The following MAP3K13 variants were observed in gnomAD, a reference collection of about 807,000 sequenced individuals.
The protein encoded by MAP3K13 is leucine zipper-bearing kinase.
MAP3K13 carries 52 observed loss-of-function variants against 104.0 expected under a neutral mutation model. The observed-to-expected ratio is 0.50, with a 90% CI of 0.40 to 0.63. The LOEUF (loss-of-function observed/expected upper bound fraction) is 0.63, where lower values mean the gene tolerates loss of function less well. MAP3K13 is among the 20% of genes least tolerant of loss of function. MAP3K13 has a pLI of 0.00. For missense variants in MAP3K13, 914 were observed against 1,218.5 expected, an observed-to-expected ratio of 0.75 and a Z score of 3.72; for synonymous variants, 394 against 442.2, an observed-to-expected ratio of 0.89 and a Z score of 1.37.
At chr3:185,421,688 G>A (rs1160912520) in intron 1 of MAP3K13, among the ~76,000 whole-genome samples, 1 of 152,090 alleles carries the variant, frequency 6.6e-6, no homozygotes, top group Non-Finnish European at 1.5e-5. Flanking sequence ...TCCCATGAGG[G>A]TACCTGAGCC....
intron 2 of MAP3K13, among the ~76,000 whole-genome samples, chr3:185,336,941 C>T (rs1722528098): frequency 6.6e-6 from 1 of 152,042 alleles, no homozygotes. Flanking sequence ...AGCTCCTCAA[C>T]CTGGAAAATG....
chr3:185,371,091 T>C (rs961566489), intron 1 of MAP3K13, among the ~76,000 whole-genome samples: 4 of 152,232 alleles, frequency 2.6e-5, no homozygotes, highest in Non-Finnish European at 5.9e-5. Flanking sequence ...AAAATTGTTC[T>C]TTCATAATTT....
chr3:185,458,802 G>A (rs1234483861), intron 7 of MAP3K13, among the ~76,000 whole-genome samples: 2 of 152,196 alleles, frequency 1.3e-5, no homozygotes, highest in East Asian at 3.8e-4. Context: ...CTGAGAAAAC[G>A]CGGCATTTGT....
At chr3:185,458,446 C>T (rs180761809) in intron 7 of MAP3K13, among the ~76,000 whole-genome samples, 5 of 151,710 alleles carry the variant, frequency 3.3e-5, no homozygotes, top group Admixed American at 6.6e-5. Context: ...AACAAAGGTG[C>T]CATTATTCAC....
At chr3:185,421,427 A>T (rs930110397) in intron 1 of MAP3K13, among the ~76,000 whole-genome samples, 11 of 151,836 alleles carry the variant, frequency 7.2e-5, no homozygotes, top group African/African-American at 2.2e-4. Context: ...CGAACTCCTG[A>T]CCTCAGGTGA....
chr3:185,329,862 AACT>A (rs1259360423), intron 2 of MAP3K13, among the ~76,000 whole-genome samples: 2 of 150,488 alleles, frequency 1.3e-5, no homozygotes, highest in Admixed American at 1.3e-4. Flanking sequence ...TATGACTTTT[AACT>A]ATATAAAAGG....
intron 1 of MAP3K13, chr3:185,417,928 A>C: frequency 6.2e-7 from 1 of 1,605,082 alleles, no homozygotes; most frequent in South Asian, 1.1e-5. Context: ...TGTATTAATC[A>C]ACTTGTGCAT....
intron 1 of MAP3K13, among the ~76,000 whole-genome samples, chr3:185,421,121 T>G (rs763234885): frequency 2.0e-5 from 3 of 152,196 alleles, no homozygotes; most frequent in Non-Finnish European, 4.4e-5. Context: ...CCTACAGACC[T>G]TCCCGGAGTA....
intron 1 of MAP3K13, among the ~76,000 whole-genome samples, chr3:185,283,808 G>A (rs914644589): frequency 2.6e-5 from 4 of 151,848 alleles, no homozygotes; most frequent in South Asian, 2.1e-4. Context: ...GAGTTGGACC[G>A]TTGTAAATAA....
chr3:185,386,582 T>C (rs1177610993), intron 1 of MAP3K13, among the ~76,000 whole-genome samples: 1 of 152,254 alleles, frequency 6.6e-6, no homozygotes, highest in East Asian at 1.9e-4. Flanking sequence ...ATCACTCTAC[T>C]CTAAAAACAC....
At chr3:185,386,701 C>T (rs1291843450) in intron 1 of MAP3K13, among the ~76,000 whole-genome samples, 8 of 152,098 alleles carry the variant, frequency 5.3e-5, no homozygotes, top group Non-Finnish European at 1.2e-4. Context: ...ACATATACAC[C>T]GTGGAACACT....
chr3:185,449,475 TG>T (rs1329182645), intron 5 of MAP3K13, among the ~76,000 whole-genome samples: 4 of 152,148 alleles, frequency 2.6e-5, no homozygotes, highest in Non-Finnish European at 5.9e-5. Flanking sequence ...TTTAAATCTT[TG>T]ATTCATGTGA....
At chr3:185,293,815 T>C (rs564653073) in intron 2 of MAP3K13, among the ~76,000 whole-genome samples, 2 of 152,338 alleles carry the variant, frequency 1.3e-5, no homozygotes, top group African/African-American at 4.8e-5. Flanking sequence ...TTTCACTTTA[T>C]GCTACTACTC....
At chr3:185,461,874 G>T (rs988914066) in intron 7 of MAP3K13, among the ~76,000 whole-genome samples, 1 of 128,020 alleles carries the variant, frequency 7.8e-6, no homozygotes, top group Non-Finnish European at 1.7e-5. Context: ...AGCAATTAGG[G>T]ATTGCTATTA....
chr3:185,418,651 T>C lies in MAP3K13; in HGVS notation c.-85-9846T>C. On this transcript the variant is annotated intron_variant, in intron 1 of 13. Coordinates refer to ENST00000265026, the MANE Select transcript of MAP3K13 (RefSeq NM_004721.5). The surrounding 1 kb of genome is among the most constrained non-coding windows in gnomAD (Gnocchi z 4.5). ...GGGCTGTCTGTTGTTTTTGCGCAAG[T>C]TGGTGTGAACAAAGTTCACAATATC... The C allele has an allele frequency of 1.9e-6, 3 of 1,611,756 alleles. No homozygotes were observed. Among genetic ancestry groups the C allele is most frequent in the South Asian group, 2.2e-5 (2 of 90,982 alleles).
chr3:185,397,689 G>C (rs1373819724), intron 1 of MAP3K13, among the ~76,000 whole-genome samples: 1 of 151,790 alleles, frequency 6.6e-6, no homozygotes, highest in Admixed American at 6.6e-5. Flanking sequence ...CTTTTTACAG[G>C]GGGGAGAAAG....
At chr3:185,288,327 T>C (rs775092532) in intron 2 of MAP3K13, among the ~76,000 whole-genome samples, 2 of 151,942 alleles carry the variant, frequency 1.3e-5, no homozygotes, top group Non-Finnish European at 2.9e-5. Context: ...TGTATATATG[T>C]GTGTACATAG....
intron 7 of MAP3K13, among the ~76,000 whole-genome samples, chr3:185,451,913 G>A (rs995998387): frequency 1.1e-4 from 17 of 151,204 alleles, no homozygotes; most frequent in South Asian, 2.1e-4. Context: ...GAAAAAACAC[G>A]TGTCAGAATA....
In MAP3K13 at chr3:185,488,585, A is replaced by C. The variant is rs891265805; in HGVS notation, c.*6129A>C. On this transcript the variant is annotated 3_prime_UTR_variant, in exon 14 of 14. Coordinates refer to ENST00000265026, the MANE Select transcript of MAP3K13 (RefSeq NM_004721.5). ...CTTCACAGAGCAGAGCCCTAAGCAG[A>C]TGGCAAGGCCACTGTAAGGAAGCTC... The C allele has an allele frequency of 2.0e-5, 3 of 152,300 alleles. No homozygotes were observed. Among genetic ancestry groups the C allele is most frequent in the African/African-American group, 7.2e-5 (3 of 41,458 alleles). The allele number at this position is 152,300 out of a possible 1,614,324, so 9.4% of individuals were successfully genotyped here.
Sources: gnomAD v4.1 joint callset for allele counts (sites outside exome capture counted in the v4.1 genomes callset) on GRCh38, gnomAD v4.1.1 for gene constraint, Gnocchi (gnomAD v3.1) non-coding constraint, MANE v1.5 for transcripts, NCBI Gene and HGNC (gene_info 2026-07-23, HGNC 2026-07-21) for gene names.